STPG2: variants seen among roughly 807,000 people sequenced by gnomAD.
The protein encoded by STPG2 is sperm-tail PG-rich repeat-containing protein 2.
In STPG2, 56 loss-of-function variants were observed where a neutral mutation model predicts 54.2. That is an observed-to-expected ratio of 1.03 (90% CI 0.83 to 1.29). The LOEUF is 1.29. STPG2 is among the 50% of genes most tolerant of loss of function. STPG2 has a pLI of 0.00. For missense variants in STPG2, 596 were observed against 544.9 expected (o/e 1.09, Z -0.93); for synonymous variants, 200 against 181.8 (o/e 1.10, Z -0.81).
intron 8 of STPG2, among the ~76,000 whole-genome samples, chr4:97,907,515 T>G (rs1200605108): frequency 1.3e-5 from 2 of 152,004 alleles, no homozygotes; most frequent in African/African-American, 2.4e-5. Flanking sequence ...TGGAAAAAAC[T>G]ACTTTAAAGT....
At chr4:98,086,384 A>G (rs973769259) in intron 5 of STPG2, among the ~76,000 whole-genome samples, 1 of 152,092 alleles carries the variant, frequency 6.6e-6, no homozygotes, top group African/African-American at 2.4e-5. Flanking sequence ...TTTAAATAAA[A>G]AAGAGGAAGA....
At chr4:97,494,042 A>T (rs1015272199) in intron 4 of STPG2, among the ~76,000 whole-genome samples, 3 of 151,400 alleles carry the variant, frequency 2.0e-5, no homozygotes, top group African/African-American at 7.3e-5. Context: ...GATTCAACAC[A>T]AAAAAACGTT....
chr4:97,860,976 A>G (rs1268761871), intron 8 of STPG2, among the ~76,000 whole-genome samples: 2 of 152,164 alleles, frequency 1.3e-5, no homozygotes, highest in African/African-American at 4.8e-5. Context: ...ACAGACAACT[A>G]AAGGAAAAAT....
At chr4:98,068,310 C>T (rs1737894776) in intron 5 of STPG2, among the ~76,000 whole-genome samples, 1 of 152,084 alleles carries the variant, frequency 6.6e-6, no homozygotes, top group African/African-American at 2.4e-5. Context: ...ACTCTAAAAA[C>T]CCTAGAGTAT....
intron 10 of STPG2, among the ~76,000 whole-genome samples, chr4:97,569,501 C>G (rs574767105): frequency 2.0e-5 from 3 of 152,020 alleles, no homozygotes; most frequent in Non-Finnish European, 4.4e-5. Flanking sequence ...TAACCCAGCC[C>G]CTATTCAAGA....
At chr4:97,444,149 G>T (rs919179452) in intron 4 of STPG2, among the ~76,000 whole-genome samples, 1 of 152,002 alleles carries the variant, frequency 6.6e-6, no homozygotes, top group Non-Finnish European at 1.5e-5. Flanking sequence ...ATATACAAAA[G>T]AGCATACAAG....
chr4:97,794,437 G>C (rs1028729821), intron 9 of STPG2, among the ~76,000 whole-genome samples: 1 of 152,072 alleles, frequency 6.6e-6, no homozygotes, highest in Non-Finnish European at 1.5e-5. Flanking sequence ...TTTATCACTT[G>C]AAATCTATTG....
At chr4:97,846,254 A>G (rs1461100608) in intron 8 of STPG2, among the ~76,000 whole-genome samples, 1 of 152,130 alleles carries the variant, frequency 6.6e-6, no homozygotes, top group African/African-American at 2.4e-5. Flanking sequence ...TAAATGAGAT[A>G]CAAAGCTAAA....
At chr4:98,017,351 C>A (rs552296812) in intron 5 of STPG2, among the ~76,000 whole-genome samples, 4 of 152,236 alleles carry the variant, frequency 2.6e-5, no homozygotes, top group Non-Finnish European at 4.4e-5. Flanking sequence ...CTGGATCTGC[C>A]AGGGTGACCT....
At chr4:97,997,644 G>A (rs1190491902) in intron 5 of STPG2, among the ~76,000 whole-genome samples, 4 of 152,142 alleles carry the variant, frequency 2.6e-5, no homozygotes, top group Admixed American at 6.6e-5. Context: ...AGAAAATGTG[G>A]TACATATACA....
At position 98,106,119 on chromosome 4, in the gene STPG2, T is replaced by G. The variant is rs778200408; in HGVS notation, c.501-55A>C. 4.3e-5 allele frequency: 50 copies of G among 1,169,142 alleles called. 2 individuals carry two copies. The Admixed American group carries it at 1.6e-3, about 36-fold the overall frequency. 72.4% of individuals were successfully genotyped at this position (1,169,142 alleles called of 1,614,324 possible). On this transcript the variant is annotated intron_variant, in intron 4 of 10. Coordinates refer to ENST00000295268, the MANE Select transcript of STPG2 (RefSeq NM_174952.3). ...TTCTCAATTTTAAACCTATAAATAT[T>G]TATGTAAGCAAAGAAATTCTTTCTA...
At chr4:97,613,550 G>A (rs1733785756) in intron 10 of STPG2, among the ~76,000 whole-genome samples, 1 of 151,222 alleles carries the variant, frequency 6.6e-6, no homozygotes, top group African/African-American at 2.4e-5. Context: ...ATTAGGGAAT[G>A]GGGGGCATGG....
chr4:97,666,336 G>A (rs1327052271), intron 10 of STPG2, among the ~76,000 whole-genome samples: 5 of 152,102 alleles, frequency 3.3e-5, no homozygotes, highest in Admixed American at 6.6e-5. Context: ...GTTATAGAGT[G>A]GCAAGAGAAG....
chr4:97,636,868 A>G (rs1318262619), intron 10 of STPG2, among the ~76,000 whole-genome samples: 1 of 151,752 alleles, frequency 6.6e-6, no homozygotes, highest in African/African-American at 2.4e-5. Context: ...CCAACCAAAA[A>G]GAGTCCAGGA....
At chr4:97,700,805 T>TGGGCCTTATGGACA (rs1175271754) in intron 10 of STPG2, among the ~76,000 whole-genome samples, 1 of 152,244 alleles carries the variant, frequency 6.6e-6, no homozygotes, top group African/African-American at 2.4e-5. Context: ...TTGCTTCTGA[T>TGGGCCTTATGGACA]GGGCCTTATG....
chr4:97,677,449 T>C (rs982145448), intron 10 of STPG2, among the ~76,000 whole-genome samples: 2 of 152,190 alleles, frequency 1.3e-5, no homozygotes, highest in African/African-American at 4.8e-5. Context: ...GCAACACTTT[T>C]GAATGTGTAC....
At chr4:97,601,186 A>G (rs1181505103) in intron 10 of STPG2, among the ~76,000 whole-genome samples, 1 of 151,920 alleles carries the variant, frequency 6.6e-6, no homozygotes, top group Non-Finnish European at 1.5e-5. Context: ...TTGCTTTTCC[A>G]TTAAGTGTAC....
intron 10 of STPG2, among the ~76,000 whole-genome samples, chr4:97,580,820 T>C (rs1018675744): frequency 6.6e-6 from 1 of 152,064 alleles, no homozygotes; most frequent in Non-Finnish European, 1.5e-5. Flanking sequence ...AAGAGTCTGA[T>C]TCATTATGTG....
intron 4 of STPG2, among the ~76,000 whole-genome samples, chr4:97,446,666 A>C (rs1246416369): frequency 6.6e-6 from 1 of 152,104 alleles, no homozygotes; most frequent in Non-Finnish European, 1.5e-5. Flanking sequence ...CTAAGTTCTC[A>C]TGAGATCTGA....
Sources: allele counts gnomAD v4.1 joint callset (sites outside exome capture counted in the v4.1 genomes callset), GRCh38; gene constraint gnomAD v4.1.1; transcripts MANE v1.5; gene names NCBI Gene and HGNC (gene_info 2026-07-23, HGNC 2026-07-21).